The following SLC39A9 variants were observed in gnomAD, a reference collection of about 807,000 sequenced individuals.
The protein encoded by SLC39A9 is zinc transporter ZIP9.
Under a neutral mutation model 28.4 loss-of-function variants are expected in SLC39A9, and 14 were observed. The ratio of observed to expected loss-of-function variants is 0.49; its 90% CI spans 0.33 to 0.77. SLC39A9 has a LOEUF of 0.77. Ranked by LOEUF, SLC39A9 falls within the 30% of genes least tolerant of loss-of-function variation. The pLI is 0.02. For synonymous variants in SLC39A9, 119 were observed against 149.6 expected (o/e 0.80, Z 1.49); for missense variants, 283 against 381.1 (o/e 0.74, Z 2.14).
chr14:69,434,436 A>G (rs1452489497), intron 2 of SLC39A9, among the ~76,000 whole-genome samples: 1 of 151,190 alleles, frequency 6.6e-6, no homozygotes, highest in Non-Finnish European at 1.5e-5. Flanking sequence ...CTGTAATCCC[A>G]GTACTTTGGG....
chr14:69,459,056 CT>C lies in SLC39A9; in HGVS notation c.*464del. The C allele has an allele frequency of 1.0e-6, 1 of 988,440 alleles. No homozygotes were observed. 61.2% of individuals were successfully genotyped at this position (988,440 alleles called of 1,614,324 possible). A position where few individuals can be genotyped will look rare whatever the true frequency, so the allele number is the denominator to read the frequency against. ...CCATGTAAGACTGGTGCTTTAGCAT[CT>C]ATGCCACATGCGTTGATGGAAGGTC... On this transcript the variant is annotated 3_prime_UTR_variant, in exon 7 of 7. Coordinates refer to ENST00000336643, the MANE Select transcript of SLC39A9 (RefSeq NM_018375.5).
At chr14:69,445,185 A>G (rs1594941957) in intron 3 of SLC39A9, among the ~76,000 whole-genome samples, 1 of 152,134 alleles carries the variant, frequency 6.6e-6, no homozygotes, top group Non-Finnish European at 1.5e-5. Context: ...CCATTTATAC[A>G]TGGATTTTCT....
chr14:69,417,326 GTCTA>G (rs1883630220), intron 1 of SLC39A9, among the ~76,000 whole-genome samples: 1 of 152,072 alleles, frequency 6.6e-6, no homozygotes, highest in African/African-American at 2.4e-5. Flanking sequence ...TGTTCTATTG[GTCTA>G]TCTTTCTGTT....
chr14:69,430,324 C>T (rs1337428507), intron 2 of SLC39A9, among the ~76,000 whole-genome samples: 3 of 152,132 alleles, frequency 2.0e-5, no homozygotes, highest in African/African-American at 7.2e-5. Context: ...TTATGATTTT[C>T]AGTTCTACAT....
chr14:69,443,741 G>A (rs1365069718), intron 3 of SLC39A9, among the ~76,000 whole-genome samples: 3 of 152,080 alleles, frequency 2.0e-5, no homozygotes, highest in Admixed American at 6.6e-5. Flanking sequence ...ATAGTGGTAC[G>A]CACCTGGAGT....
At position 69,446,945 on chromosome 14, in the gene SLC39A9, TATAGAGAGAGAGAG is replaced by T. The variant is rs1360231335; in HGVS notation, c.403+4681_403+4694del. Among the ~76,000 whole-genome samples, 13 of 131,782 alleles carry T rather than the reference TATAGAGAGAGAGAG, an allele frequency of 9.9e-5. No homozygotes were observed. In the East Asian group the frequency reaches 2.7e-3, roughly 27 times the overall value. The allele number at this position is 131,782 out of a possible 152,430, so 86.5% of individuals were successfully genotyped here. ...CCCATCTGTGATATATATATATATA[TATAGAGAGAGAGAG>T]AGAGAGAGCGAGAGAGAGAGAGAGA... is the stretch of plus-strand genomic sequence containing the variant. On this transcript the variant is annotated intron_variant, in intron 3 of 6. Transcript: ENST00000336643.
At chr14:69,429,924 A>G (rs1321778492) in intron 2 of SLC39A9, among the ~76,000 whole-genome samples, 2 of 152,160 alleles carry the variant, frequency 1.3e-5, no homozygotes. Context: ...CAGCATAGTG[A>G]TATCTCAGTG....
At chr14:69,433,308 T>G (rs1297556457) in intron 2 of SLC39A9, among the ~76,000 whole-genome samples, 1 of 152,178 alleles carries the variant, frequency 6.6e-6, no homozygotes, top group Admixed American at 6.5e-5. Flanking sequence ...TTATATATAA[T>G]TCTTTTTATA....
chr14:69,420,732 A>G (rs1261588516), intron 1 of SLC39A9, among the ~76,000 whole-genome samples: 2 of 151,696 alleles, frequency 1.3e-5, no homozygotes, highest in East Asian at 1.9e-4. Context: ...TTCTCACTTC[A>G]TTTCATTAAT....
intron 3 of SLC39A9, among the ~76,000 whole-genome samples, chr14:69,445,684 G>C (rs1259039106): frequency 6.6e-6 from 1 of 152,196 alleles, no homozygotes; most frequent in African/African-American, 2.4e-5. Context: ...GAACTGGCTA[G>C]AAAACAAAAG....
At chr14:69,423,847 G>A (rs929296590) in intron 1 of SLC39A9, among the ~76,000 whole-genome samples, 4 of 149,830 alleles carry the variant, frequency 2.7e-5, no homozygotes, top group Non-Finnish European at 5.9e-5. Flanking sequence ...GCAGTGAGCC[G>A]AGACCACGCC....
intron 3 of SLC39A9, among the ~76,000 whole-genome samples, chr14:69,447,271 A>T (rs1052378586): frequency 2.6e-5 from 4 of 152,214 alleles, no homozygotes; most frequent in Non-Finnish European, 5.9e-5. Context: ...CTTACAGGTA[A>T]CTAAAAATGC....
At position 69,399,251 on chromosome 14, in the gene SLC39A9, T is replaced by TA; in HGVS notation, c.-116dup. ...GAACACATCTGCTGGTGGGAAGGCC[T>TA]AAAGAACTGGAAAGCCCACTCTCTT... On this transcript the variant is annotated 5_prime_UTR_variant, in exon 1 of 7. Coordinates refer to ENST00000336643, the MANE Select transcript of SLC39A9 (RefSeq NM_018375.5). The TA allele has an allele frequency of 2.4e-6, 2 of 842,178 alleles. No individual in the cohort carries two copies. Among genetic ancestry groups the TA allele is most frequent in the Non-Finnish European group, 3.9e-6 (2 of 515,782 alleles). The allele number at this position is 842,178 out of a possible 1,614,324, so 52.2% of individuals were successfully genotyped here.
chr14:69,417,542 G>C (rs933686656), intron 1 of SLC39A9, among the ~76,000 whole-genome samples: 2 of 152,304 alleles, frequency 1.3e-5, no homozygotes, highest in South Asian at 4.1e-4. Flanking sequence ...GGATGGCAGT[G>C]AATCTGTAAA....
intron 3 of SLC39A9, among the ~76,000 whole-genome samples, chr14:69,451,115 G>A (rs1885589923): frequency 6.6e-6 from 1 of 152,234 alleles, no homozygotes; most frequent in African/African-American, 2.4e-5. Context: ...TGCACACAGT[G>A]TAATTTGACT....
intron 4 of SLC39A9, among the ~76,000 whole-genome samples, chr14:69,454,196 A>G (rs1439562677): frequency 6.6e-6 from 1 of 152,262 alleles, no homozygotes; most frequent in Non-Finnish European, 1.5e-5. Context: ...ATGCTTTTCT[A>G]ACAAATTTCA....
At position 69,399,321 on chromosome 14, in the gene SLC39A9, C is replaced by T; in HGVS notation, c.-49C>T. On this transcript the variant is annotated 5_prime_UTR_variant, in exon 1 of 7. Coordinates refer to ENST00000336643, the MANE Select transcript of SLC39A9 (RefSeq NM_018375.5). ...AAAGAACCTAAGCACCATTTAAAGC[C>T]ACTGGAAATTTGTTGTCTAGTGGTT... The T allele has an allele frequency of 1.9e-6, 3 of 1,539,904 alleles. No individual in the cohort carries two copies. Among genetic ancestry groups the T allele is most frequent in the African/African-American group, 1.4e-5 (1 of 73,610 alleles).
rs1886051249 is a variant in SLC39A9 at position 69,460,147 on chromosome 14, T to G, written c.*1554T>G. ...ACTTTCTATACCATTTCAAAACACATTACACTAAGGGGGAACCAAGACTAG... is the reference window on the plus strand; with the variant it reads ...ACTTTCTATACCATTTCAAAACACAGTACACTAAGGGGGAACCAAGACTAG... On this transcript the variant is annotated 3_prime_UTR_variant, in exon 7 of 7. Transcript: ENST00000336643. The G allele has an allele frequency of 1.0e-6, 1 of 985,570 alleles. No individual in the cohort carries two copies. The allele number at this position is 985,570 out of a possible 1,614,324, so 61.1% of individuals were successfully genotyped here. A position where few individuals can be genotyped will look rare whatever the true frequency, so the allele number is the denominator to read the frequency against.
At chr14:69,415,007 C>A (rs893006886) in intron 1 of SLC39A9, among the ~76,000 whole-genome samples, 1 of 152,180 alleles carries the variant, frequency 6.6e-6, no homozygotes, top group Non-Finnish European at 1.5e-5. Context: ...CTTTTTATTA[C>A]CAAGTGGTAT....
Sources: allele counts gnomAD v4.1 joint callset (sites outside exome capture counted in the v4.1 genomes callset), GRCh38; gene constraint gnomAD v4.1.1; transcripts MANE v1.5; gene names NCBI Gene and HGNC (gene_info 2026-07-23, HGNC 2026-07-21).